The following HRH1 variants were observed in gnomAD, a reference collection of about 807,000 sequenced individuals.
The protein encoded by HRH1 is histamine H1 receptor.
HRH1 carries 6 observed loss-of-function variants against 10.3 expected under a neutral mutation model. The observed-to-expected ratio is 0.58, with a 90% confidence interval of 0.32 to 1.15. The LOEUF (loss-of-function observed/expected upper bound fraction) is 1.15. HRH1 is among the 50% of genes most tolerant of loss of function. The probability of loss-of-function intolerance (pLI) is 0.05; values close to 1 mark genes in which losing one functional copy is unlikely to be tolerated. For missense variants in HRH1, 514 were observed against 615.3 expected (o/e 0.84, Z 1.74); for synonymous variants, 242 against 236.7 (o/e 1.02, Z -0.21).
intron 1 of HRH1, among the ~76,000 whole-genome samples, chr3:11,193,740 G>A (rs1937591994): frequency 6.6e-6 from 1 of 152,234 alleles, no homozygotes; most frequent in Non-Finnish European, 1.5e-5. Flanking sequence ...TTGGTTCATA[G>A]ACTGAGCCTT....
chr3:11,175,760 C>T (rs1030081587), intron 1 of HRH1, among the ~76,000 whole-genome samples: 1 of 152,138 alleles, frequency 6.6e-6, no homozygotes, highest in Admixed American at 6.5e-5. Context: ...ACACATATGT[C>T]GAATTGACAA....
chr3:11,226,831 G>A (rs1938895077), intron 1 of HRH1, among the ~76,000 whole-genome samples: 2 of 150,910 alleles, frequency 1.3e-5, no homozygotes, highest in East Asian at 3.9e-4. Flanking sequence ...AGGTCGTAGT[G>A]AGCCGAGATG....
chr3:11,196,661 C>T (rs750393818), intron 1 of HRH1, among the ~76,000 whole-genome samples: 55 of 152,072 alleles, frequency 3.6e-4, no homozygotes, highest in Admixed American at 7.2e-4. Flanking sequence ...TCTCTCAGAG[C>T]CCTTCAGCCC....
intron 1 of HRH1, among the ~76,000 whole-genome samples, chr3:11,207,567 T>G (rs934158181): frequency 3.3e-5 from 5 of 152,022 alleles, no homozygotes; most frequent in African/African-American, 9.7e-5. Flanking sequence ...AGACTCTGTC[T>G]CAAAAAAACA....
At position 11,261,208 on chromosome 3, in the gene HRH1, C is replaced by T. The variant is rs1195451762; in HGVS notation, c.*707C>T. 6.0e-6 allele frequency: 1 copy of T among 167,016 alleles called. No homozygotes were observed. The highest frequency in any genetic ancestry group is 1.5e-5 in the Non-Finnish European group (1 of 68,112). 10.3% of individuals were successfully genotyped at this position (167,016 alleles called of 1,614,324 possible). Reference sequence around the variant, plus strand: ...GCTTGCACACCCATCGTCTTTAACCCCAAATTTCCTTTGGCTATTAAAAAA... The same window carrying T: ...GCTTGCACACCCATCGTCTTTAACCTCAAATTTCCTTTGGCTATTAAAAAA... On this transcript the variant is annotated 3_prime_UTR_variant, in exon 2 of 2. Coordinates refer to ENST00000431010, the MANE Select transcript of HRH1 (RefSeq NM_001098212.2).
chr3:11,159,752 G>C (rs1017673535), intron 1 of HRH1, among the ~76,000 whole-genome samples: 2 of 152,240 alleles, frequency 1.3e-5, no homozygotes, highest in Non-Finnish European at 1.5e-5. Flanking sequence ...CTCTGGAAGA[G>C]ATTGCACAAG....
chr3:11,159,048 G>A (rs919352322), intron 1 of HRH1, among the ~76,000 whole-genome samples: 1 of 152,216 alleles, frequency 6.6e-6, no homozygotes, highest in East Asian at 1.9e-4. Flanking sequence ...GGGAGTTTGA[G>A]ACCAGCCTGG....
At chr3:11,213,677 A>G (rs997166207) in intron 1 of HRH1, among the ~76,000 whole-genome samples, 2 of 152,218 alleles carry the variant, frequency 1.3e-5, no homozygotes, top group East Asian at 1.9e-4. Flanking sequence ...CTCCCTTATG[A>G]GGGCATTAAT....
chr3:11,173,809 T>C (rs1001114772), intron 1 of HRH1, among the ~76,000 whole-genome samples: 1 of 152,210 alleles, frequency 6.6e-6, no homozygotes. Flanking sequence ...ACTGATTTTG[T>C]GTTTTGGAAA....
chr3:11,259,574 G>A lies in HRH1; in HGVS notation c.537G>A (p.Lys179=). 1.2e-6 allele frequency: 2 copies of A among 1,614,078 alleles called. No individual in the cohort carries two copies. Residue 179 remains lysine (K), a synonymous_variant, in exon 2 of 2, where the codon AAG becomes AAA. Transcript: ENST00000431010. This position sits in a 1 kb window ranked among gnomAD's most constrained non-coding sequence, Gnocchi z 4.6. ...AGACCTCGGTGCGCCGAGAGGACAA[G>A]TGTGAGACAGACTTCTATGATGTCA... ...MQQTSVRRED[K]CETDFYDVTW... is the part of the protein sequence containing the mutation.
chr3:11,150,587 C>T (rs1289585220), upstream of HRH1, among the ~76,000 whole-genome samples: 1 of 152,238 alleles, frequency 6.6e-6, no homozygotes. Flanking sequence ...GTGATTTTCC[C>T]ATCTCCTCTG....
chr3:11,201,633 A>T (rs1408390647), intron 1 of HRH1, among the ~76,000 whole-genome samples: 1 of 152,134 alleles, frequency 6.6e-6, no homozygotes, highest in Non-Finnish European at 1.5e-5. Flanking sequence ...CAGGCTGAAA[A>T]AACAGCATAT....
intron 1 of HRH1, among the ~76,000 whole-genome samples, chr3:11,167,122 G>A (rs1438642789): frequency 4.8e-5 from 7 of 146,368 alleles, no homozygotes; most frequent in African/African-American, 1.5e-4. Flanking sequence ...GATTCCCCAG[G>A]CCCGTGACAT....
intron 1 of HRH1, among the ~76,000 whole-genome samples, chr3:11,162,981 C>T (rs963409334): frequency 6.6e-6 from 1 of 152,200 alleles, no homozygotes; most frequent in Non-Finnish European, 1.5e-5. Flanking sequence ...CTGCTGCTCA[C>T]TTGCTCTGAA....
Position 11,260,329 on chromosome 3 carries a change from A to C in HRH1, c.1292A>C (p.Tyr431Ser). The change falls in exon 2 of 2, where the codon TAT becomes TCT. Residue 431 changes from tyrosine to serine, a missense_variant. By Grantham distance (144) the Tyr-to-Ser change is moderately radical. Coordinates refer to ENST00000431010, the MANE Select transcript of HRH1 (RefSeq NM_001098212.2). ...MAAFILCWIPYFIFFMVIAFC... is the reference protein window; with the variant it reads ...MAAFILCWIPSFIFFMVIAFC... ...GCCTTCATCCTCTGCTGGATCCCTTATTTCATCTTCTTCATGGTCATTGCC... is the reference window on the plus strand; with the variant it reads ...GCCTTCATCCTCTGCTGGATCCCTTCTTTCATCTTCTTCATGGTCATTGCC... 1 of 1,614,148 alleles carries C rather than the reference A, an allele frequency of 6.2e-7. No homozygotes were observed. Among genetic ancestry groups the C allele is most frequent in the South Asian group, 1.1e-5 (1 of 91,086 alleles).
intron 1 of HRH1, among the ~76,000 whole-genome samples, chr3:11,219,433 G>T (rs1471125514): frequency 6.6e-6 from 1 of 152,038 alleles, no homozygotes; most frequent in Non-Finnish European, 1.5e-5. Context: ...AAATAAATAG[G>T]CTGGGCACGG....
chr3:11,231,105 C>A (rs1939027840), intron 1 of HRH1, among the ~76,000 whole-genome samples: 1 of 152,136 alleles, frequency 6.6e-6, no homozygotes, highest in Non-Finnish European at 1.5e-5. Context: ...CAGTTAGTAA[C>A]CTTTTGGGAC....
intron 1 of HRH1, among the ~76,000 whole-genome samples, chr3:11,224,188 G>A (rs1938804326): frequency 1.3e-5 from 2 of 152,156 alleles, no homozygotes; most frequent in South Asian, 4.1e-4. Flanking sequence ...TAGCATGTGA[G>A]GCTGAATAAG....
At chr3:11,227,603 A>G (rs1938930126) in intron 1 of HRH1, among the ~76,000 whole-genome samples, 2 of 152,066 alleles carry the variant, frequency 1.3e-5, no homozygotes, top group African/African-American at 4.8e-5. Context: ...TTCATTATGT[A>G]AATACACACC....
Sources: allele counts gnomAD v4.1 joint callset (sites outside exome capture counted in the v4.1 genomes callset), GRCh38; gene constraint gnomAD v4.1.1; non-coding constraint Gnocchi (gnomAD v3.1); transcripts MANE v1.5; gene names NCBI Gene and HGNC (gene_info 2026-07-23, HGNC 2026-07-21).